The following NRF1 variants were observed in gnomAD, a reference collection of about 807,000 sequenced individuals.
NRF1 encodes the protein alpha palindromic-binding protein.
A neutral mutation model predicts 58.5 loss-of-function variants in NRF1; 5 were observed. The observed-to-expected ratio is 0.09, with a 90% confidence interval of 0.04 to 0.18. NRF1 has a LOEUF of 0.18. Among genes scored for constraint, NRF1 ranks in the 10% least tolerant of loss-of-function variants. The pLI, the probability that NRF1 is intolerant of heterozygous loss-of-function variation, is 1.00. For missense variants in NRF1, 288 were observed against 657.7 expected, an observed-to-expected ratio of 0.44 and a Z score of 6.15; for synonymous variants, 224 against 246.7, an observed-to-expected ratio of 0.91 and a Z score of 0.86.
chr7:129,624,667 C>G (rs1265156559), intron 1 of NRF1, among the ~76,000 whole-genome samples: 2 of 152,064 alleles, frequency 1.3e-5, no homozygotes, highest in Non-Finnish European at 2.9e-5. Flanking sequence ...TGAAATTTCT[C>G]CCTGAGCCTT....
At chr7:129,644,070 C>T (rs1169152262) in intron 1 of NRF1, among the ~76,000 whole-genome samples, 1 of 152,188 alleles carries the variant, frequency 6.6e-6, no homozygotes, top group South Asian at 2.1e-4. Context: ...GGATGCCTGC[C>T]CCATGTCCTT....
chr7:129,625,476 CTTAATT>C (rs1800891978), intron 1 of NRF1, among the ~76,000 whole-genome samples: 1 of 151,852 alleles, frequency 6.6e-6, no homozygotes, highest in South Asian at 2.1e-4. Flanking sequence ...TCTGAATCAT[CTTAATT>C]TTATTTATTT....
intron 1 of NRF1, among the ~76,000 whole-genome samples, chr7:129,655,667 G>A (rs923009493): frequency 1.3e-5 from 2 of 152,056 alleles, no homozygotes; most frequent in East Asian, 3.9e-4. Context: ...GATTACAGAT[G>A]TGTACCACCA....
Position 129,657,451 on chromosome 7 carries a change from G to C in NRF1, c.100G>C (p.Glu34Gln). 1 of 1,614,028 alleles carries C rather than the reference G, an allele frequency of 6.2e-7. No homozygotes were observed. Among genetic ancestry groups the C allele is most frequent in the Non-Finnish European group, 8.5e-7 (1 of 1,179,980 alleles). Reference sequence around the variant, plus strand: ...GCAGGTCCATGTGGCTACTTACACCGAGCATAGTATGCTGAGTGCTGATGA... The same window carrying C: ...GCAGGTCCATGTGGCTACTTACACCCAGCATAGTATGCTGAGTGCTGATGA... The part of the protein sequence containing the change: ...VQQVHVATYT[E>Q]HSMLSADEDS... Residue 34 changes from glutamate to glutamine, a missense_variant, in exon 2 of 11, where the codon GAG (glutamate) becomes CAG (glutamine). Physicochemically the swap from Glu to Gln is conservative, Grantham distance 29. This residue lies in a region of NRF1 where 48 missense variants were observed against 65.5 expected (regional missense o/e 0.73). Coordinates refer to ENST00000393232, the MANE Select transcript of NRF1 (RefSeq NM_005011.5).
At chr7:129,705,094 G>C (rs1486201737) in intron 5 of NRF1, among the ~76,000 whole-genome samples, 1 of 152,156 alleles carries the variant, frequency 6.6e-6, no homozygotes, top group Non-Finnish European at 1.5e-5. Context: ...TAGAACAAAA[G>C]TTATGAATAC....
chr7:129,657,148 G>A (rs941605732), intron 1 of NRF1, among the ~76,000 whole-genome samples, 198 bp from the exon 2 acceptor site: 3 of 152,110 alleles, frequency 2.0e-5, no homozygotes, highest in Non-Finnish European at 4.4e-5. Flanking sequence ...ATGGTTTCAC[G>A]TAAGAACACC....
At chr7:129,754,322 G>A (rs1035983097) in intron 10 of NRF1, among the ~76,000 whole-genome samples, 1 of 151,488 alleles carries the variant, frequency 6.6e-6, no homozygotes, top group East Asian at 1.9e-4. Context: ...TATTAGCCAG[G>A]CATGGTGGCA....
chr7:129,671,636 G>C, intron 3 of NRF1, 93 bp downstream of exon 3: 1 of 689,696 alleles, frequency 1.4e-6, no homozygotes, highest in South Asian at 1.9e-5. Flanking sequence ...TGTCAAGGAT[G>C]CTTGGTTCGA....
At chr7:129,642,919 C>T (rs537963732) in intron 1 of NRF1, among the ~76,000 whole-genome samples, 33 of 151,988 alleles carry the variant, frequency 2.2e-4, no homozygotes, top group African/African-American at 5.5e-4. Context: ...CACTACCACA[C>T]GCAGCTGGTT....
intron 1 of NRF1, among the ~76,000 whole-genome samples, chr7:129,618,222 G>A (rs1178547126): frequency 1.3e-5 from 2 of 152,140 alleles, no homozygotes; most frequent in Non-Finnish European, 2.9e-5. Context: ...ATGCCTTTAA[G>A]ATAGGGAATG....
intron 1 of NRF1, among the ~76,000 whole-genome samples, chr7:129,620,072 T>G (rs985945568): frequency 6.6e-6 from 1 of 152,188 alleles, no homozygotes; most frequent in African/African-American, 2.4e-5. Flanking sequence ...TAAATGTTAA[T>G]GATTAAATCA....
rs1001332334 is a variant in NRF1 at position 129,741,533 on chromosome 7, T to C, written c.1349-13485T>C. Among the ~76,000 whole-genome samples, 2 of 152,216 alleles carry C rather than the reference T, an allele frequency of 1.3e-5. No homozygotes were observed. Among genetic ancestry groups the C allele is most frequent in the African/African-American group, 2.4e-5 (1 of 41,446 alleles). On this transcript the variant is annotated intron_variant, in intron 10 of 10. Transcript: ENST00000393232. The surrounding 1 kb of genome is among the most constrained non-coding windows in gnomAD (Gnocchi z 4.0). Reference sequence around the variant, plus strand: ...CAGAGCCATAATTGGACAAGTTTAATTGGAGTCATTTCTATTCAATACATG... The same window carrying C: ...CAGAGCCATAATTGGACAAGTTTAACTGGAGTCATTTCTATTCAATACATG...
At chr7:129,651,419 C>CA (rs11319951) in intron 1 of NRF1, among the ~76,000 whole-genome samples, 59,614 of 133,606 alleles carry the variant, frequency 0.45, 14,746 homozygotes, top group Non-Finnish European at 0.57. Flanking sequence ...GACTCTGTCT[C>CA]AAAAAAAAAA....
chr7:129,733,900 A>G (rs1803645372), intron 10 of NRF1, among the ~76,000 whole-genome samples: 1 of 151,978 alleles, frequency 6.6e-6, no homozygotes, highest in Non-Finnish European at 1.5e-5. Flanking sequence ...GCTCATGCCT[A>G]TAGTCACAGC....
At chr7:129,663,434 C>T (rs1451597498) in intron 2 of NRF1, among the ~76,000 whole-genome samples, 3 of 143,418 alleles carry the variant, frequency 2.1e-5, no homozygotes, top group Non-Finnish European at 4.6e-5. Context: ...CGGGCAGAGG[C>T]GCTCCTCACA....
chr7:129,753,809 G>T (rs1443338279), intron 10 of NRF1, among the ~76,000 whole-genome samples: 2 of 151,938 alleles, frequency 1.3e-5, no homozygotes, highest in African/African-American at 4.8e-5. Context: ...AAGTGACCTA[G>T]GCTTTAAAAA....
At chr7:129,718,963 G>A (rs1411616314) in intron 9 of NRF1, among the ~76,000 whole-genome samples, 2 of 152,126 alleles carry the variant, frequency 1.3e-5, no homozygotes, top group Non-Finnish European at 2.9e-5. Context: ...CCAACCTATA[G>A]TTAGCATTTC....
chr7:129,707,285 C>T (rs1490153304), intron 5 of NRF1, among the ~76,000 whole-genome samples: 1 of 152,198 alleles, frequency 6.6e-6, no homozygotes, highest in Non-Finnish European at 1.5e-5. Flanking sequence ...TGAGCCACTG[C>T]ACCCAACCCA....
At chr7:129,710,330 A>C (rs3736626) in intron 6 of NRF1, 44 bp from the exon 7 acceptor site, 592,971 of 1,588,634 alleles carry the variant, frequency 0.37, 116,202 homozygotes, top group Non-Finnish European at 0.41. Context: ...AAATAACCAA[A>C]GTTCTTTGTG....
Sources: allele counts gnomAD v4.1 joint callset (sites outside exome capture counted in the v4.1 genomes callset), GRCh38; gene constraint gnomAD v4.1.1; regional missense constraint gnomAD v4.1.1; non-coding constraint Gnocchi (gnomAD v3.1); transcripts MANE v1.5; gene names NCBI Gene and HGNC (gene_info 2026-07-23, HGNC 2026-07-21).